MARCHF1: variants seen among roughly 807,000 people sequenced by gnomAD.
MARCHF1 encodes the protein membrane associated ring-CH-type finger 1.
MARCHF1 carries 40 observed loss-of-function variants against 54.2 expected under a neutral mutation model. The observed-to-expected ratio is 0.74, with a 90% CI of 0.57 to 0.96. The LOEUF (loss-of-function observed/expected upper bound fraction) is 0.96, where lower values mean the gene tolerates loss of function less well. MARCHF1 is among the 40% of genes least tolerant of loss of function. MARCHF1 has a pLI of 0.00. For missense variants in MARCHF1, 586 were observed against 656.5 expected, an observed-to-expected ratio of 0.89 and a Z score of 1.17; for synonymous variants, 236 against 236.3, an observed-to-expected ratio of 1.00 and a Z score of 0.01.
At chr4:163,895,902 C>T (rs1750796048) in intron 3 of MARCHF1, among the ~76,000 whole-genome samples, 1 of 152,060 alleles carries the variant, frequency 6.6e-6, no homozygotes, top group Admixed American at 6.6e-5. Context: ...AGCATGACCC[C>T]CCCACTGCCC....
At chr4:163,673,297 A>G (rs922887884) in intron 5 of MARCHF1, among the ~76,000 whole-genome samples, 2 of 152,234 alleles carry the variant, frequency 1.3e-5, no homozygotes, top group Admixed American at 1.3e-4. Context: ...TTGAGCAAGT[A>G]TTATCTAATT....
At chr4:163,996,252 ATAAT>A (rs1753074481) in intron 2 of MARCHF1, among the ~76,000 whole-genome samples, 1 of 152,034 alleles carries the variant, frequency 6.6e-6, no homozygotes, top group African/African-American at 2.4e-5. Context: ...TTTTTATAGT[ATAAT>A]TAGTAACGTG....
Position 163,689,622 on chromosome 4 carries a change from A to C in MARCHF1, c.162+11191T>G, listed in dbSNP as rs192612623. 2.0e-3 allele frequency among the ~76,000 whole-genome samples: 299 copies of C among 152,174 alleles called. 5 individuals are homozygous for C. The highest frequency in any genetic ancestry group is 6.9e-3 in the African/African-American group (285 of 41,526). ...AGTGCAGTTCTAGAGTCAATAACTA[A>C]CTACTTGTTACTGTAAATTCACCTG... On this transcript the variant is annotated intron_variant, in intron 5 of 9. Coordinates refer to ENST00000514618, the MANE Select transcript of MARCHF1 (RefSeq NM_001394959.1).
intron 4 of MARCHF1, among the ~76,000 whole-genome samples, chr4:163,819,546 C>A (rs1748634576): frequency 1.3e-5 from 2 of 152,196 alleles, no homozygotes; most frequent in Middle Eastern, 3.4e-3. Flanking sequence ...AAAAACTCTC[C>A]AATTCACCAC....
chr4:164,344,416 T>C (rs1730016523), intron 1 of MARCHF1, among the ~76,000 whole-genome samples: 2 of 152,088 alleles, frequency 1.3e-5, no homozygotes, highest in South Asian at 2.1e-4. Context: ...CAGTATTTCC[T>C]TCAGAAAATA....
At chr4:163,645,905 A>G (rs1742741777) in intron 5 of MARCHF1, among the ~76,000 whole-genome samples, 2 of 152,180 alleles carry the variant, frequency 1.3e-5, no homozygotes, top group South Asian at 4.1e-4. Flanking sequence ...CCAACCCAAT[A>G]CAAATTATAG....
intron 5 of MARCHF1, among the ~76,000 whole-genome samples, chr4:163,654,566 G>C (rs1342808330): frequency 6.6e-6 from 1 of 151,572 alleles, no homozygotes; most frequent in Non-Finnish European, 1.5e-5. Context: ...AGAATTAAGA[G>C]ATCTTTTGGG....
chr4:164,215,173 A>T (rs6536804), intron 1 of MARCHF1, among the ~76,000 whole-genome samples: 61,648 of 152,082 alleles, frequency 0.41, 13,626 homozygotes, highest in Non-Finnish European at 0.51. Context: ...GGCTTGGAGA[A>T]TGAGTGCAAG....
chr4:164,028,695 A>T (rs1483287082), intron 2 of MARCHF1, among the ~76,000 whole-genome samples: 1 of 152,164 alleles, frequency 6.6e-6, no homozygotes, highest in Admixed American at 6.5e-5. Context: ...CCATGTAACA[A>T]ACTTGCACAG....
At chr4:164,011,836 C>A (rs1435727393) in intron 2 of MARCHF1, among the ~76,000 whole-genome samples, 2 of 152,144 alleles carry the variant, frequency 1.3e-5, no homozygotes, top group Non-Finnish European at 2.9e-5. Flanking sequence ...AGGTAAGACA[C>A]TCTTGCATTG....
At chr4:163,617,353 G>A (rs1054821465) in intron 5 of MARCHF1, among the ~76,000 whole-genome samples, 1 of 152,082 alleles carries the variant, frequency 6.6e-6, no homozygotes, top group Non-Finnish European at 1.5e-5. Flanking sequence ...ATAGTTTACT[G>A]TATATTTTCA....
intron 3 of MARCHF1, among the ~76,000 whole-genome samples, chr4:163,926,383 A>C (rs920301620): frequency 2.0e-5 from 3 of 151,666 alleles, no homozygotes; most frequent in African/African-American, 4.8e-5. Flanking sequence ...ATATCCATTA[A>C]CTGTTATTGG....
At position 163,823,879 on chromosome 4, in the gene MARCHF1, T is replaced by C. The variant is rs544176121; in HGVS notation, c.111+30142A>G. On this transcript the variant is annotated intron_variant, in intron 4 of 9. Coordinates refer to ENST00000514618, the MANE Select transcript of MARCHF1 (RefSeq NM_001394959.1). Reference sequence around the variant, plus strand: ...AGACAAAATCGATGTAAAATTAAGTTATGTTAAAGTTTCAATAATAGAAAT... The same window carrying C: ...AGACAAAATCGATGTAAAATTAAGTCATGTTAAAGTTTCAATAATAGAAAT... Among the ~76,000 whole-genome samples the C allele has an allele frequency of 4.8e-4, 26 of 53,980 alleles. No homozygotes were observed. The South Asian group carries it at 0.025, about 52-fold the overall frequency. The allele number at this position is 53,980 out of a possible 152,430, so 35.4% of individuals were successfully genotyped here.
intron 4 of MARCHF1, among the ~76,000 whole-genome samples, chr4:163,711,752 G>C (rs1561032693): frequency 6.6e-6 from 1 of 152,074 alleles, no homozygotes; most frequent in Non-Finnish European, 1.5e-5. Context: ...ACCCACTGCT[G>C]TTTCCACCCA....
chr4:163,913,643 G>C lies in MARCHF1; in HGVS notation c.-38-59474C>G, dbSNP rs74850664. Among the ~76,000 whole-genome samples, 73 of 152,206 alleles carry C rather than the reference G, an allele frequency of 4.8e-4. 1 individual carries two copies. The highest frequency in any genetic ancestry group is 1.5e-3 in the East Asian group (8 of 5,174). On this transcript the variant is annotated intron_variant, in intron 3 of 9. Transcript: ENST00000514618. The stretch of plus-strand genomic sequence containing the variant: ...TGATAGTCAATGTTTAATATGTTTC[G>C]TGTAAAGAGGAAGATAACTGAGGAG...
chr4:164,284,321 A>T (rs930109950), intron 1 of MARCHF1, among the ~76,000 whole-genome samples: 2 of 135,700 alleles, frequency 1.5e-5, no homozygotes, highest in East Asian at 4.6e-4. Context: ...AAAGAAAGTG[A>T]GAGAGAGAGA....
At chr4:163,796,511 G>T (rs946597116) in intron 4 of MARCHF1, among the ~76,000 whole-genome samples, 1 of 151,968 alleles carries the variant, frequency 6.6e-6, no homozygotes, top group Non-Finnish European at 1.5e-5. Flanking sequence ...AGTTTGATTT[G>T]TTCTCTTTTT....
At chr4:163,727,403 G>T (rs1428467123) in intron 4 of MARCHF1, among the ~76,000 whole-genome samples, 1 of 151,598 alleles carries the variant, frequency 6.6e-6, no homozygotes, top group Non-Finnish European at 1.5e-5. Flanking sequence ...CGCCTCCCAG[G>T]TTCACGCCAT....
intron 2 of MARCHF1, among the ~76,000 whole-genome samples, chr4:164,010,631 GAA>G (rs999554502): frequency 4.0e-5 from 6 of 151,876 alleles, no homozygotes; most frequent in Admixed American, 6.6e-5. Context: ...ACAAAAATAT[GAA>G]AAGATATTTC....
Sources: gnomAD v4.1 joint callset for allele counts (sites outside exome capture counted in the v4.1 genomes callset) on GRCh38, gnomAD v4.1.1 for gene constraint, MANE v1.5 for transcripts, NCBI Gene and HGNC (gene_info 2026-07-23, HGNC 2026-07-21) for gene names.